Variants in ADPRHL1 observed in about 807,000 individuals in gnomAD.
The protein encoded by ADPRHL1 is inactive ADP-ribosyltransferase ARH2.
In ADPRHL1, 43 loss-of-function variants were observed where a neutral mutation model predicts 44.1. The ratio of observed to expected loss-of-function variants is 0.98; its 90% CI spans 0.76 to 1.26. The LOEUF (loss-of-function observed/expected upper bound fraction) is 1.26, where lower values mean the gene tolerates loss of function less well. Among genes scored for constraint, ADPRHL1 ranks in the 50% most tolerant of loss-of-function variants. The pLI, the probability that ADPRHL1 is intolerant of heterozygous loss-of-function variation, is 0.00. For missense variants in ADPRHL1, 2,022 were observed against 2,496.9 expected, an observed-to-expected ratio of 0.81 and a Z score of 4.05; for synonymous variants, 878 against 1,017.4, an observed-to-expected ratio of 0.86 and a Z score of 2.61.
In ADPRHL1 at chr13:113,424,981, T is replaced by C. The variant is rs1264058817; in HGVS notation, c.774+71A>G. On this transcript the variant is annotated intron_variant, in intron 5 of 7. Coordinates refer to ENST00000612156, the MANE Select transcript of ADPRHL1 (RefSeq NM_001394807.1). ...ATTCACCTACCCACCCACCCATCCA[T>C]CCACTTGCTATGCACTTATTGAGCA... 95 of 1,570,856 alleles carry C rather than the reference T, an allele frequency of 6.0e-5. No homozygotes were observed. The East Asian group carries it at 2.1e-3, about 35-fold the overall frequency.
chr13:113,419,053 C>A (rs2043901691), intron 7 of ADPRHL1, among the ~76,000 whole-genome samples: 1 of 150,050 alleles, frequency 6.7e-6, no homozygotes. Flanking sequence ...TCCCTTCCTT[C>A]TTCTCCTTCC....
At chr13:113,435,276 G>A (rs1458578594) in intron 2 of ADPRHL1, among the ~76,000 whole-genome samples, 3 of 70,600 alleles carry the variant, frequency 4.2e-5, no homozygotes, top group African/African-American at 5.7e-5. Flanking sequence ...CGGCACCCAC[G>A]CATAGAGTGA....
intron 7 of ADPRHL1, among the ~76,000 whole-genome samples, chr13:113,413,712 G>A (rs889289947): frequency 2.6e-5 from 4 of 152,212 alleles, no homozygotes; most frequent in Admixed American, 6.5e-5. Context: ...CTGCGCTGGC[G>A]GAGTCTGGGC....
rs1595534485 is a variant in ADPRHL1, at chr13:113,403,594, C to T, written c.5688G>A (p.Gly1896=). The change falls in exon 8 of 8, where the codon GGG becomes GGA. Residue 1896 remains glycine (G), a synonymous_variant. Coordinates refer to ENST00000612156, the MANE Select transcript of ADPRHL1 (RefSeq NM_001394807.1). ...TEPKPEAGGC[G]TPQAPAQEGS... ...CCTCCTGGGCCGGGGCCTGGGGAGT[C>T]CCGCAGCCCCCAGCCTCAGGCTTGG... The T allele has an allele frequency of 1.6e-6, 2 of 1,231,614 alleles. No individual in the cohort carries two copies. The highest frequency in any genetic ancestry group is 4.2e-5 in the Admixed American group (1 of 23,714). 76.3% of individuals were successfully genotyped at this position (1,231,614 alleles called of 1,614,324 possible).
At chr13:113,420,690 A>G (rs934090884) in intron 7 of ADPRHL1, among the ~76,000 whole-genome samples, 21 of 152,058 alleles carry the variant, frequency 1.4e-4, no homozygotes, top group Non-Finnish European at 4.4e-5. Context: ...GTAGCAGCAC[A>G]GTTAGTCCAG....
chr13:113,433,710 T>C, intron 3 of ADPRHL1, 32 bp downstream of exon 3: 1 of 1,557,396 alleles, frequency 6.4e-7, no homozygotes, highest in Non-Finnish European at 8.7e-7. Flanking sequence ...CACTCCACGC[T>C]GACCTCCCTC....
chr13:113,437,777 C>G (rs2044071934), intron 2 of ADPRHL1, among the ~76,000 whole-genome samples: 1 of 152,224 alleles, frequency 6.6e-6, no homozygotes, highest in African/African-American at 2.4e-5. Flanking sequence ...CAGAGGCTCT[C>G]TTCTCTTGGG....
Position 113,399,715 on chromosome 13 carries a change from A to G in ADPRHL1, c.*3663T>C, listed in dbSNP as rs2043742149. 6.6e-6 allele frequency: 1 copy of G among 152,110 alleles called. No homozygotes were observed. Among genetic ancestry groups the G allele is most frequent in the African/African-American group, 2.4e-5 (1 of 41,440 alleles). The allele number at this position is 152,110 out of a possible 1,614,324, so 9.4% of individuals were successfully genotyped here. A position where few individuals can be genotyped will look rare whatever the true frequency, so the allele number is the denominator to read the frequency against. The stretch of plus-strand genomic sequence containing the variant: ...AAATGACATTTAGTAATTTTTTCTG[A>G]CTAACCCATTTTAGGGTTGTTTATA... On this transcript the variant is annotated 3_prime_UTR_variant, in exon 8 of 8. Transcript: ENST00000612156.
At chr13:113,431,211 C>A (rs978391191) in intron 3 of ADPRHL1, among the ~76,000 whole-genome samples, 1 of 152,218 alleles carries the variant, frequency 6.6e-6, no homozygotes, top group Non-Finnish European at 1.5e-5. Flanking sequence ...TGTGACACTG[C>A]CCTGCCGGGG....
chr13:113,431,395 A>T (rs2044006185), intron 3 of ADPRHL1, among the ~76,000 whole-genome samples: 1 of 152,238 alleles, frequency 6.6e-6, no homozygotes, highest in African/African-American at 2.4e-5. Flanking sequence ...GAAGGCACTC[A>T]TCAGGGCCTC....
intron 2 of ADPRHL1, among the ~76,000 whole-genome samples, chr13:113,437,442 C>A (rs2044069330): frequency 6.6e-6 from 1 of 152,184 alleles, no homozygotes; most frequent in African/African-American, 2.4e-5. Context: ...CCTCTGTTGA[C>A]CCTGAAGCCG....
chr13:113,423,275 C>T (rs1164826257), intron 6 of ADPRHL1, among the ~76,000 whole-genome samples: 3 of 151,990 alleles, frequency 2.0e-5, no homozygotes, highest in Non-Finnish European at 4.4e-5. Context: ...AACAACAAAC[C>T]CAAAAACAAA....
chr13:113,409,500 G>C lies in ADPRHL1; in HGVS notation c.1062-1280C>G. The stretch of plus-strand genomic sequence containing the variant: ...TCCAACTCCAGGGCGGCCGCACAAT[G>C]GCACGTCCACATTTGTGGGAGAAGA... On this transcript the variant is annotated intron_variant, in intron 7 of 7. Transcript: ENST00000612156. The surrounding 1 kb of genome is among the most constrained non-coding windows in gnomAD (Gnocchi z 4.2). 5 of 985,418 alleles carry C rather than the reference G, an allele frequency of 5.1e-6. No homozygotes were observed. The highest frequency in any genetic ancestry group is 6.0e-6 in the Non-Finnish European group (5 of 829,916). 61.0% of individuals were successfully genotyped at this position (985,418 alleles called of 1,614,324 possible).
In ADPRHL1 at chr13:113,409,479, A is replaced by G; in HGVS notation, c.1062-1259T>C. 1 of 985,368 alleles carries G rather than the reference A, an allele frequency of 1.0e-6. No individual in the cohort carries two copies. The highest frequency in any genetic ancestry group is 1.2e-6 in the Non-Finnish European group (1 of 829,928). 61.0% of individuals were successfully genotyped at this position (985,368 alleles called of 1,614,324 possible). ...AAATCTAGAGCATCCTCGATGTCCA[A>G]CTCCAGGGCGGCCGCACAATGGCAC... On this transcript the variant is annotated intron_variant, in intron 7 of 7. Transcript: ENST00000612156. The surrounding 1 kb of genome is among the most constrained non-coding windows in gnomAD (Gnocchi z 4.2).
rs140063131 is a variant in ADPRHL1, at chr13:113,441,496, G to A, written c.379+2929C>T. Among the ~76,000 whole-genome samples the A allele has an allele frequency of 4.6e-4, 70 of 152,198 alleles. No individual in the cohort carries two copies. Among genetic ancestry groups the A allele is most frequent in the African/African-American group, 8.2e-4 (34 of 41,512 alleles). ...TGTGGGATGACACTGTGGCATACAC[G>A]GTGTGGGAACCTCACCGTCATCGGC... is the stretch of plus-strand genomic sequence containing the variant. On this transcript the variant is annotated intron_variant, in intron 2 of 7. Transcript: ENST00000612156. This position sits in a 1 kb window ranked among gnomAD's most constrained non-coding sequence, Gnocchi z 6.0.
intron 3 of ADPRHL1, 122 bp downstream of exon 3, chr13:113,433,620 A>C (rs1359795575): frequency 1.3e-5 from 19 of 1,459,240 alleles, no homozygotes; most frequent in Middle Eastern, 2.4e-4. Context: ...CTTTAAGCAG[A>C]CGTGCAGATG....
chr13:113,437,529 C>G (rs2044070080), intron 2 of ADPRHL1, among the ~76,000 whole-genome samples: 1 of 152,222 alleles, frequency 6.6e-6, no homozygotes, highest in Admixed American at 6.5e-5. Context: ...TCGGCGTGTT[C>G]CAGGCCCTGT....
chr13:113,425,684 CT>C (rs66812194), intron 4 of ADPRHL1, among the ~76,000 whole-genome samples: 45,840 of 133,440 alleles, frequency 0.34, 8,704 homozygotes, highest in East Asian at 0.68. Flanking sequence ...TTTTTTCTTT[CT>C]TTTTTTTTTT....
intron 3 of ADPRHL1, among the ~76,000 whole-genome samples, chr13:113,429,704 C>T (rs1371311027): frequency 2.0e-5 from 3 of 152,188 alleles, no homozygotes; most frequent in Admixed American, 6.5e-5. Context: ...GACTTGAGAG[C>T]GACCCCGCAG....
Sources: gnomAD v4.1 joint callset for allele counts (sites outside exome capture counted in the v4.1 genomes callset) on GRCh38, gnomAD v4.1.1 for gene constraint, Gnocchi (gnomAD v3.1) non-coding constraint, MANE v1.5 for transcripts, NCBI Gene and HGNC (gene_info 2026-07-23, HGNC 2026-07-21) for gene names.